The following LZIC variants were observed in gnomAD, a reference collection of about 807,000 sequenced individuals.
LZIC encodes the protein protein LZIC.
A neutral mutation model predicts 25.4 loss-of-function variants in LZIC; 28 were observed. That is an observed-to-expected ratio of 1.10 (90% CI 0.82 to 1.51). LZIC has a LOEUF of 1.51. Ranked by LOEUF, LZIC falls within the 40% of genes most tolerant of loss-of-function variation. LZIC has a pLI of 0.00. For synonymous variants in LZIC, 65 were observed against 70.7 expected (o/e 0.92, Z 0.40); for missense variants, 170 against 211.1 (o/e 0.81, Z 1.21).
intron 7 of LZIC, among the ~76,000 whole-genome samples, chr1:9,930,776 G>A (rs1379427222): frequency 2.6e-5 from 4 of 151,754 alleles, no homozygotes; most frequent in East Asian, 1.9e-4. Flanking sequence ...CTGGAGTGCA[G>A]TGGTGCGATC....
chr1:9,934,360 TG>T (rs1640367637), intron 5 of LZIC, among the ~76,000 whole-genome samples: 1 of 152,216 alleles, frequency 6.6e-6, no homozygotes, highest in South Asian at 2.1e-4. Flanking sequence ...ACAAATAATT[TG>T]GTAACTCTTA....
Position 9,935,491 on chromosome 1 carries a change from C to A in LZIC, c.237+1G>T, listed in dbSNP as rs1169873387. 1 of 1,598,708 alleles carries A rather than the reference C, an allele frequency of 6.3e-7. No individual in the cohort carries two copies. Among genetic ancestry groups the A allele is most frequent in the Non-Finnish European group, 8.5e-7 (1 of 1,175,986 alleles). ...CTCTGTCGCCTATATGTTATACTTA[C>A]CAGCTGCATTCCACTTAGTTCATCT... is the stretch of plus-strand genomic sequence containing the variant. On this transcript the variant is annotated splice_donor_variant, in intron 4 of 7. Transcript: ENST00000377223. LOFTEE classifies it high-confidence loss of function.
downstream of LZIC, among the ~76,000 whole-genome samples, chr1:9,923,999 A>G (rs1003354358): frequency 1.3e-5 from 2 of 151,734 alleles, no homozygotes; most frequent in Admixed American, 1.3e-4. Context: ...TGATCCACCC[A>G]CCTCAGCCTC....
In LZIC at chr1:9,927,583, G is replaced by A. The variant is rs1480667678; in HGVS notation, c.*2816C>T. On this transcript the variant is annotated 3_prime_UTR_variant, in exon 8 of 8. Transcript: ENST00000377223. ...CCCAGAGTTCTGAGATTACATGCGT[G>A]AGCCACTGTGCCAGGCATTAGGTCC... is the stretch of plus-strand genomic sequence containing the variant. Among the ~76,000 whole-genome samples the A allele has an allele frequency of 1.3e-5, 2 of 151,338 alleles. No homozygotes were observed. Among genetic ancestry groups the A allele is most frequent in the Non-Finnish European group, 2.9e-5 (2 of 67,920 alleles).
intron 2 of LZIC, 145 bp downstream of exon 2, chr1:9,942,479 C>T: frequency 3.1e-6 from 1 of 324,338 alleles, no homozygotes; most frequent in South Asian, 2.5e-5. Flanking sequence ...CCTGGTACTA[C>T]ATTAGTTGAG....
At chr1:9,933,026 G>A (rs1208224693) in intron 5 of LZIC, 128 bp from the exon 6 acceptor site, 12 of 595,532 alleles carry the variant, frequency 2.0e-5, no homozygotes, top group East Asian at 1.5e-4. Context: ...ATCACGAGGC[G>A]GGCGGATCAC....
chr1:9,936,314 T>C (rs938357062), intron 3 of LZIC, among the ~76,000 whole-genome samples: 3 of 152,196 alleles, frequency 2.0e-5, no homozygotes, highest in African/African-American at 4.8e-5. Context: ...CAAGTTCACA[T>C]GCACTTAGTA....
chr1:9,935,533 C>T lies in LZIC; in HGVS notation c.196G>A (p.Gly66Arg), dbSNP rs1640415702. The stretch of plus-strand genomic sequence containing the variant: ...AGTTCATCTACCAAAGTCATATTTC[C>T]AGACATAATTTTCTTTAGTGAATCA... ...FNDSLKKIMS[G>R]NMTLVDELSG... Residue 66 changes from glycine to arginine, a missense_variant, in exon 4 of 8, where the codon GGA becomes AGA. Transcript: ENST00000377223. The T allele has an allele frequency of 1.2e-6, 2 of 1,611,958 alleles. No individual in the cohort carries two copies. The highest frequency in any genetic ancestry group is 4.5e-5 in the East Asian group (2 of 44,800).
In LZIC at chr1:9,929,443, A is replaced by G. The variant is rs1640120948; in HGVS notation, c.*956T>C. The G allele has an allele frequency of 1.0e-6, 1 of 985,462 alleles. No individual in the cohort carries two copies. Among genetic ancestry groups the G allele is most frequent in the South Asian group, 4.7e-5 (1 of 21,294 alleles). The allele number at this position is 985,462 out of a possible 1,614,324, so 61.0% of individuals were successfully genotyped here. On this transcript the variant is annotated 3_prime_UTR_variant, in exon 8 of 8. Coordinates refer to ENST00000377223, the MANE Select transcript of LZIC (RefSeq NM_032368.5). The stretch of plus-strand genomic sequence containing the variant: ...ATACAGAGACATGTAAATACTCAGG[A>G]GAGAAATTTGCTTTTCCTCATAACT...
downstream of LZIC, among the ~76,000 whole-genome samples, chr1:9,925,129 T>C (rs1187780761): frequency 1.4e-5 from 2 of 141,720 alleles, no homozygotes; most frequent in African/African-American, 2.7e-5. Flanking sequence ...CTGGCCAACA[T>C]GCAGAAACCC....
At chr1:9,943,218 C>T (rs1287776973) in intron 1 of LZIC, 31 bp downstream of exon 1, 1 of 164,460 alleles carries the variant, frequency 6.1e-6, no homozygotes, top group Non-Finnish European at 1.4e-5. Context: ...AGCCGTAAAC[C>T]CATGGTCCCC....
chr1:9,939,702 T>C (rs1294859169), intron 2 of LZIC, among the ~76,000 whole-genome samples: 1 of 152,164 alleles, frequency 6.6e-6, no homozygotes, highest in Non-Finnish European at 1.5e-5. Context: ...ATCACTGATA[T>C]ATCTCGATAA....
At chr1:9,942,350 C>G (rs1455380652) in intron 2 of LZIC, among the ~76,000 whole-genome samples, 3 of 152,142 alleles carry the variant, frequency 2.0e-5, no homozygotes, top group Non-Finnish European at 4.4e-5. Context: ...TTCTCAGTAC[C>G]TAATACAGAA....
rs899683383 is a variant in LZIC at position 9,930,579 on chromosome 1, T to A, written c.515-122A>T. 1.7e-5 allele frequency: 24 copies of A among 1,396,156 alleles called. No homozygotes were observed. In the African/African-American group the frequency reaches 3.0e-4, roughly 18 times the overall value. 86.5% of individuals were successfully genotyped at this position (1,396,156 alleles called of 1,614,324 possible). ...CAGAAAATATAATTAGCCTCCATTA[T>A]CAGTGTATTAACCCCTACACGTTCC... On this transcript the variant is annotated intron_variant, in intron 7 of 7. Transcript: ENST00000377223.
chr1:9,939,319 C>T (rs1312608711), intron 2 of LZIC, among the ~76,000 whole-genome samples: 8 of 151,312 alleles, frequency 5.3e-5, no homozygotes, highest in Admixed American at 1.3e-4. Flanking sequence ...ACCCCAGCCT[C>T]CCAAAGTGCT....
chr1:9,924,176 G>A (rs1347282053), downstream of LZIC, among the ~76,000 whole-genome samples: 1 of 152,186 alleles, frequency 6.6e-6, no homozygotes, highest in African/African-American at 2.4e-5. Flanking sequence ...ATGAGCCACT[G>A]TGCCCAGCCA....
Position 9,927,927 on chromosome 1 carries a change from C to T in LZIC, c.*2472G>A, listed in dbSNP as rs796220195. ...TGATCTTGTGATCCGCCCGCCTTGG[C>T]CTCCTGAAGTGCTGGGATTACAGGT... On this transcript the variant is annotated 3_prime_UTR_variant, in exon 8 of 8. Coordinates refer to ENST00000377223, the MANE Select transcript of LZIC (RefSeq NM_032368.5). Among the ~76,000 whole-genome samples the T allele has an allele frequency of 1.6e-4, 25 of 152,060 alleles. No homozygotes were observed. Among genetic ancestry groups the T allele is most frequent in the African/African-American group, 5.8e-4 (24 of 41,500 alleles).
downstream of LZIC, among the ~76,000 whole-genome samples, chr1:9,924,860 C>T (rs1231773907): frequency 6.6e-6 from 1 of 152,080 alleles, no homozygotes; most frequent in Non-Finnish European, 1.5e-5. Context: ...TGACCTGCTA[C>T]GATGTTTTAC....
downstream of LZIC, chr1:9,922,123 T>C (rs1489852798): frequency 3.8e-5 from 9 of 235,624 alleles, no homozygotes; most frequent in Non-Finnish European, 6.2e-5. Flanking sequence ...TCTCATTAAT[T>C]TTTAGATGTA....
Sources: allele counts gnomAD v4.1 joint callset (sites outside exome capture counted in the v4.1 genomes callset), GRCh38; gene constraint gnomAD v4.1.1; transcripts MANE v1.5; gene names NCBI Gene and HGNC (gene_info 2026-07-23, HGNC 2026-07-21).